The following NSG2 variants were observed in gnomAD, a reference collection of about 807,000 sequenced individuals.
NSG2 encodes neuronal vesicle trafficking-associated protein 2.
NSG2 carries 4 observed loss-of-function variants against 16.9 expected under a neutral mutation model. The observed-to-expected ratio is 0.24, with a 90% CI of 0.12 to 0.54. NSG2 has a LOEUF of 0.54. Among genes scored for constraint, NSG2 ranks in the 20% least tolerant of loss-of-function variants. The pLI, the probability that NSG2 is intolerant of heterozygous loss-of-function variation, is 0.95. For synonymous variants in NSG2, 98 were observed against 88.7 expected (o/e 1.11, Z -0.59); for missense variants, 179 against 221.1 (o/e 0.81, Z 1.21).
chr5:174,095,350 A>C (rs968305569), intron 3 of NSG2, among the ~76,000 whole-genome samples: 1 of 152,212 alleles, frequency 6.6e-6, no homozygotes, highest in Non-Finnish European at 1.5e-5. Flanking sequence ...GGTGTCAGAC[A>C]TCCACTGCTG....
intron 2 of NSG2, among the ~76,000 whole-genome samples, chr5:174,059,899 A>T (rs1012433049): frequency 6.6e-6 from 1 of 152,212 alleles, no homozygotes; most frequent in African/African-American, 2.4e-5. Flanking sequence ...ACTACCTCAT[A>T]GCTCATTGGT....
chr5:174,101,419 A>T (rs1451030399), intron 3 of NSG2, among the ~76,000 whole-genome samples: 1 of 152,234 alleles, frequency 6.6e-6, no homozygotes, highest in Non-Finnish European at 1.5e-5. Context: ...TCATCACACC[A>T]AAAGGAAACC....
chr5:174,106,671 T>G (rs1760986929), intron 4 of NSG2, among the ~76,000 whole-genome samples: 1 of 138,666 alleles, frequency 7.2e-6, no homozygotes, highest in Non-Finnish European at 1.5e-5. Flanking sequence ...CTCGGCTCAC[T>G]GCAATCTCTG....
At position 174,093,717 on chromosome 5, in the gene NSG2, G is replaced by A. The variant is rs750908925; in HGVS notation, c.214-10511G>A. ...ACAGAAGGCAAATGTCTGTTTGGCC[G>A]CCCTGTTTTTATTTCCCCACAAAGT... On this transcript the variant is annotated intron_variant, in intron 3 of 4. Transcript: ENST00000303177. 5.9e-5 allele frequency among the ~76,000 whole-genome samples: 9 copies of A among 152,318 alleles called. No individual in the cohort carries two copies. In the South Asian group the frequency reaches 1.7e-3, roughly 28 times the overall value.
intron 4 of NSG2, among the ~76,000 whole-genome samples, chr5:174,106,663 C>T (rs567057377): frequency 4.4e-5 from 6 of 136,134 alleles, no homozygotes; most frequent in African/African-American, 1.1e-4. Flanking sequence ...GGTGCCATCT[C>T]GGCTCACTGC....
rs752375646 is a variant in NSG2, at chr5:174,106,583, CTTTTTTTTTTTTTTTTT to C, written c.325-718_325-702del. Among the ~76,000 whole-genome samples, 50 of 93,490 alleles carry C rather than the reference CTTTTTTTTTTTTTTTTT, an allele frequency of 5.3e-4. 1 individual carries two copies. The highest frequency in any genetic ancestry group is 1.4e-3 in the African/African-American group (33 of 23,480). The allele number at this position is 93,490 out of a possible 152,430, so 61.3% of individuals were successfully genotyped here. A position where few individuals can be genotyped will look rare whatever the true frequency, so the allele number is the denominator to read the frequency against. ...ACATGAATGTTGTTAGGAATGAAGC[CTTTTTTTTTTTTTTTTT>C]TTTTTTTTTTTTGCGACGGAGTCTC... On this transcript the variant is annotated intron_variant, in intron 4 of 4. Coordinates refer to ENST00000303177, the MANE Select transcript of NSG2 (RefSeq NM_015980.5).
At chr5:174,058,427 T>C (rs1396484009) in intron 2 of NSG2, among the ~76,000 whole-genome samples, 1 of 151,950 alleles carries the variant, frequency 6.6e-6, no homozygotes, top group Non-Finnish European at 1.5e-5. Flanking sequence ...CGAGACTCTG[T>C]AAAAAACAAA....
At chr5:174,067,100 A>C (rs1236575594) in intron 3 of NSG2, among the ~76,000 whole-genome samples, 1 of 150,230 alleles carries the variant, frequency 6.7e-6, no homozygotes, top group Admixed American at 6.6e-5. Flanking sequence ...TTAAGATTGT[A>C]TGCTTTCTAG....
chr5:174,078,681 C>T (rs569375833), intron 3 of NSG2, among the ~76,000 whole-genome samples: 3 of 152,250 alleles, frequency 2.0e-5, no homozygotes, highest in African/African-American at 7.2e-5. Context: ...GATTAGGTCA[C>T]GGGGGTGGAG....
chr5:174,083,547 C>A (rs1021533020), intron 3 of NSG2, among the ~76,000 whole-genome samples: 41 of 152,156 alleles, frequency 2.7e-4, no homozygotes, highest in African/African-American at 9.7e-4. Context: ...AAGCCAAGCT[C>A]AGGCGAGAAC....
chr5:174,069,263 T>C (rs531686757), intron 3 of NSG2, among the ~76,000 whole-genome samples: 20 of 151,322 alleles, frequency 1.3e-4, no homozygotes, highest in Non-Finnish European at 2.5e-4. Context: ...CTGAAGGTTG[T>C]TGGTGCTATG....
At chr5:174,086,834 T>C (rs1427113818) in intron 3 of NSG2, among the ~76,000 whole-genome samples, 1 of 152,212 alleles carries the variant, frequency 6.6e-6, no homozygotes, top group Admixed American at 6.5e-5. Context: ...ATCTCCTACA[T>C]CGGCAGGGCC....
At chr5:174,104,578 C>T (rs192506122) in intron 4 of NSG2, among the ~76,000 whole-genome samples, 14 of 152,312 alleles carry the variant, frequency 9.2e-5, no homozygotes, top group Admixed American at 2.6e-4. Context: ...CCAGCTTGGA[C>T]GGCACATCAG....
chr5:174,075,861 G>A (rs1760332682), intron 3 of NSG2, among the ~76,000 whole-genome samples: 1 of 152,198 alleles, frequency 6.6e-6, no homozygotes, highest in African/African-American at 2.4e-5. Context: ...ATAAGAAAAT[G>A]AGTTGTTATA....
chr5:174,046,361 G>T (rs771317921), intron 1 of NSG2, among the ~76,000 whole-genome samples: 1 of 151,828 alleles, frequency 6.6e-6, no homozygotes, highest in African/African-American at 2.4e-5. Context: ...AGGCGGGGGG[G>T]GTGGTATAAT....
intron 2 of NSG2, chr5:174,062,601 G>A (rs980106103): frequency 1.3e-5 from 2 of 152,196 alleles, no homozygotes; most frequent in Non-Finnish European, 1.5e-5. Flanking sequence ...TGCAAAGAGG[G>A]CAGGAAACAA....
chr5:174,103,514 G>A (rs1760932347), intron 3 of NSG2, among the ~76,000 whole-genome samples: 2 of 152,124 alleles, frequency 1.3e-5, no homozygotes, highest in African/African-American at 4.8e-5. Flanking sequence ...GTTGATGTCC[G>A]AGGTTGCAAT....
At chr5:174,073,558 G>GTTT (rs1431329792) in intron 3 of NSG2, among the ~76,000 whole-genome samples, 1 of 152,198 alleles carries the variant, frequency 6.6e-6, no homozygotes, top group Non-Finnish European at 1.5e-5. Flanking sequence ...GCTGGCCTAT[G>GTTT]TTTTTGTCCA....
At chr5:174,061,686 C>A (rs1402556304) in intron 2 of NSG2, among the ~76,000 whole-genome samples, 1 of 152,180 alleles carries the variant, frequency 6.6e-6, no homozygotes. Context: ...TCACTGCAAC[C>A]TCTACCTCCC....
Sources: gnomAD v4.1 joint callset for allele counts (sites outside exome capture counted in the v4.1 genomes callset) on GRCh38, gnomAD v4.1.1 for gene constraint, MANE v1.5 for transcripts, NCBI Gene and HGNC (gene_info 2026-07-23, HGNC 2026-07-21) for gene names.